Variants in ATAD5 observed in about 807,000 individuals in gnomAD.
ATAD5 encodes ATPase family AAA domain-containing protein 5.
Under a neutral mutation model 176.9 loss-of-function variants are expected in ATAD5, and 58 were observed. That is an observed-to-expected ratio of 0.33 (90% CI 0.27 to 0.41). ATAD5 has a LOEUF of 0.41. Ranked by LOEUF, ATAD5 falls within the 10% of genes least tolerant of loss-of-function variation. ATAD5 has a pLI of 1.00. For missense variants in ATAD5, 1,789 were observed against 2,094.1 expected (o/e 0.85, Z 2.84); for synonymous variants, 640 against 712.6 (o/e 0.90, Z 1.62).
rs368437560 is a variant in ATAD5 at position 30,893,716 on chromosome 17, G to C, written c.4863G>C (p.Glu1621Asp). 2 of 1,613,722 alleles carry C rather than the reference G, an allele frequency of 1.2e-6. No homozygotes were observed. The highest frequency in any genetic ancestry group is 3.3e-5 in the Admixed American group (2 of 59,972). Residue 1621 changes from glutamate (E) to aspartate (D), a missense_variant, in exon 21 of 23, where the codon GAG becomes GAC. By Grantham distance (45) the Glu-to-Asp change is conservative. Transcript: ENST00000321990. ...SKARDKGNNP[E>D]TKKSIPCPPK... is the part of the protein sequence containing the mutation. Reference sequence around the variant, plus strand: ...CCAGAGACAAAGGAAACAATCCAGAGACAAAGAAATCTATTCCTTGTCCTC... The same window carrying C: ...CCAGAGACAAAGGAAACAATCCAGACACAAAGAAATCTATTCCTTGTCCTC...
chr17:30,881,353 A>G (rs971966495), intron 18 of ATAD5, among the ~76,000 whole-genome samples: 1 of 152,074 alleles, frequency 6.6e-6, no homozygotes, highest in Non-Finnish European at 1.5e-5. Flanking sequence ...AGGCTGGAGT[A>G]CGGTGGCACG....
intron 17 of ATAD5, among the ~76,000 whole-genome samples, chr17:30,878,581 A>G (rs545135219): frequency 3.3e-5 from 5 of 152,228 alleles, no homozygotes; most frequent in African/African-American, 1.2e-4. Context: ...AATTGGAAAT[A>G]CTATAATAAT....
intron 15 of ATAD5, 96 bp downstream of exon 15, chr17:30,876,646 A>G (rs1908696553): frequency 1.7e-6 from 1 of 589,960 alleles, no homozygotes; most frequent in South Asian, 3.1e-5. Flanking sequence ...GTTGCTATTT[A>G]TTAAATCTCA....
chr17:30,865,701 T>C lies in ATAD5; in HGVS notation c.3137-3T>C. The C allele has an allele frequency of 1.3e-6, 2 of 1,544,350 alleles. No individual in the cohort carries two copies. The highest frequency in any genetic ancestry group is 1.7e-6 in the Non-Finnish European group (2 of 1,152,632). ...ACCTTAATTTTTTTTTTTTTTGCTT[T>C]AGATTCTGGAACTGAAGACATGCTT... On this transcript the variant is annotated splice_region_variant and splice_polypyrimidine_tract_variant and intron_variant, in intron 10 of 22. Transcript: ENST00000321990.
At chr17:30,887,932 A>C (rs1909409390) in intron 19 of ATAD5, among the ~76,000 whole-genome samples, 1 of 152,060 alleles carries the variant, frequency 6.6e-6, no homozygotes, top group Admixed American at 6.6e-5. Flanking sequence ...CCCAGGTTCA[A>C]GCAATTCTCC....
intron 4 of ATAD5, among the ~76,000 whole-genome samples, chr17:30,843,001 C>T (rs946652842): frequency 6.6e-6 from 1 of 151,830 alleles, no homozygotes; most frequent in Admixed American, 6.6e-5. Context: ...GCCTTGGCCT[C>T]CCCAAGTGCT....
At chr17:30,833,840 T>C (rs941913960) in intron 1 of ATAD5, among the ~76,000 whole-genome samples, 3 of 151,940 alleles carry the variant, frequency 2.0e-5, no homozygotes, top group Non-Finnish European at 2.9e-5. Flanking sequence ...ACCACTATGC[T>C]CAGCTAATTT....
At chr17:30,846,288 A>G (rs116607794) in intron 6 of ATAD5, among the ~76,000 whole-genome samples, 121 of 152,272 alleles carry the variant, frequency 7.9e-4, no homozygotes, top group African/African-American at 2.6e-3. Flanking sequence ...GCTTTTGCAT[A>G]GTATACACGC....
At chr17:30,864,661 G>T (rs1282055214) in intron 10 of ATAD5, 1 of 152,196 alleles carries the variant, frequency 6.6e-6, no homozygotes, top group African/African-American at 2.4e-5. Context: ...ACCACATGTG[G>T]CCTCCAGTGT....
intron 1 of ATAD5, among the ~76,000 whole-genome samples, chr17:30,833,280 A>G (rs1468267480): frequency 6.6e-6 from 1 of 151,956 alleles, no homozygotes; most frequent in African/African-American, 2.4e-5. Context: ...TGATGTACAC[A>G]GTTCTTGATT....
chr17:30,865,136 T>TAA (rs869203389), intron 10 of ATAD5, among the ~76,000 whole-genome samples: 103 of 136,308 alleles, frequency 7.6e-4, no homozygotes, highest in African/African-American at 2.5e-3. Flanking sequence ...ATGGTAATCC[T>TAA]AAAAAAAAAA....
chr17:30,858,222 G>T lies in ATAD5; in HGVS notation c.2855G>T (p.Arg952Met), dbSNP rs753844244. The T allele has an allele frequency of 2.5e-6, 4 of 1,595,824 alleles. No homozygotes were observed. The highest frequency in any genetic ancestry group is 3.4e-6 in the Non-Finnish European group (4 of 1,171,598). ...EVRNLLLEEIRWSNPEFSLKK... is the reference protein window; with the variant it reads ...EVRNLLLEEIMWSNPEFSLKK... ...AGAAATCTTTTGCTTGAGGAAATTAGGTGGTCAAATCCTGAATTTTCATTG... is the reference window on the plus strand; with the variant it reads ...AGAAATCTTTTGCTTGAGGAAATTATGTGGTCAAATCCTGAATTTTCATTG... The change falls in exon 9 of 23, where the codon AGG becomes ATG. Residue 952 changes from arginine to methionine, a missense_variant. Physicochemically the swap from Arg to Met is moderately conservative, Grantham distance 91. This residue lies in a region of ATAD5 where 487 missense variants were observed against 573.6 expected (regional missense o/e 0.85). Coordinates refer to ENST00000321990, the MANE Select transcript of ATAD5 (RefSeq NM_024857.5).
chr17:30,840,208 A>AC (rs1906018845), intron 3 of ATAD5, among the ~76,000 whole-genome samples: 1 of 150,266 alleles, frequency 6.7e-6, no homozygotes, highest in Admixed American at 6.6e-5. Flanking sequence ...AAAAAAAAAA[A>AC]AAAAAAAAAA....
intron 19 of ATAD5, among the ~76,000 whole-genome samples, 180 bp from the exon 20 acceptor site, chr17:30,892,427 A>T (rs865871436): frequency 0.018 from 1,168 of 64,326 alleles, 16 homozygotes; most frequent in African/African-American, 0.042. Context: ...TCTGTCTTTA[A>T]AAAAAAAAAA....
At chr17:30,888,479 G>T (rs1909438992) in intron 19 of ATAD5, among the ~76,000 whole-genome samples, 1 of 152,096 alleles carries the variant, frequency 6.6e-6, no homozygotes, top group Non-Finnish European at 1.5e-5. Context: ...GGGAGATCGA[G>T]GCTGCAGTGA....
intron 6 of ATAD5, among the ~76,000 whole-genome samples, chr17:30,854,521 G>A (rs528047846): frequency 7.3e-5 from 11 of 150,950 alleles, no homozygotes; most frequent in South Asian, 2.1e-4. Context: ...ACAGGCACCC[G>A]CCACCATGCC....
chr17:30,879,260 C>T (rs1352822200), intron 17 of ATAD5, among the ~76,000 whole-genome samples, 163 bp from the exon 18 acceptor site: 1 of 151,996 alleles, frequency 6.6e-6, no homozygotes, highest in Non-Finnish European at 1.5e-5. Context: ...TCACTTGAGC[C>T]CAGGAGTTTG....
intron 1 of ATAD5, 72 bp from the exon 2 acceptor site, chr17:30,834,076 A>T (rs1042271828): frequency 7.2e-6 from 9 of 1,249,930 alleles, no homozygotes; most frequent in Non-Finnish European, 9.7e-6. Flanking sequence ...AAACTATTAG[A>T]TCCATGTTTA....
chr17:30,886,658 A>G (rs1160021322), intron 18 of ATAD5, among the ~76,000 whole-genome samples: 1 of 151,828 alleles, frequency 6.6e-6, no homozygotes, highest in Non-Finnish European at 1.5e-5. Flanking sequence ...CTATAATCCT[A>G]GCACTTTGGA....
Sources: allele counts gnomAD v4.1 joint callset (sites outside exome capture counted in the v4.1 genomes callset), GRCh38; gene constraint gnomAD v4.1.1; regional missense constraint gnomAD v4.1.1; transcripts MANE v1.5; gene names NCBI Gene and HGNC (gene_info 2026-07-23, HGNC 2026-07-21).